The following RIMKLA variants were observed in gnomAD, a reference collection of about 807,000 sequenced individuals.
The protein encoded by RIMKLA is ribosomal modification protein rimK like family member A.
A neutral mutation model predicts 32.7 loss-of-function variants in RIMKLA; 14 were observed. The ratio of observed to expected loss-of-function variants is 0.43; its 90% CI spans 0.28 to 0.67. The LOEUF is 0.67. Ranked by LOEUF, RIMKLA falls within the 30% of genes least tolerant of loss-of-function variation. RIMKLA has a pLI of 0.18. For synonymous variants in RIMKLA, 176 were observed against 204.1 expected, an observed-to-expected ratio of 0.86 and a Z score of 1.18; for missense variants, 410 against 519.0, an observed-to-expected ratio of 0.79 and a Z score of 2.04.
intron 1 of RIMKLA, among the ~76,000 whole-genome samples, chr1:42,388,458 G>A (rs1201469228): frequency 1.3e-5 from 2 of 151,760 alleles, no homozygotes; most frequent in African/African-American, 4.8e-5. Context: ...ACCTATCTCG[G>A]CCTCCCAAAG....
chr1:42,407,698 C>G (rs1009074466), intron 3 of RIMKLA, among the ~76,000 whole-genome samples: 3 of 152,164 alleles, frequency 2.0e-5, no homozygotes, highest in Non-Finnish European at 4.4e-5. Flanking sequence ...ATATGCCAAG[C>G]CACACTGTCT....
At chr1:42,402,714 C>G (rs1388954176) in intron 2 of RIMKLA, among the ~76,000 whole-genome samples, 1 of 151,954 alleles carries the variant, frequency 6.6e-6, no homozygotes, top group Non-Finnish European at 1.5e-5. Flanking sequence ...CCTTAGCCTC[C>G]CAAGTAGCTG....
At chr1:42,411,660 T>TTATC (rs1479445351) in intron 4 of RIMKLA, among the ~76,000 whole-genome samples, 6 of 29,316 alleles carry the variant, frequency 2.0e-4, no homozygotes, top group African/African-American at 5.4e-4. Context: ...ATTTATTTAT[T>TTATC]TATTTATTTA....
Position 42,410,018 on chromosome 1 carries a change from CCT to C in RIMKLA, c.521_522del (p.Ser174Ter). ...AVFLARDKHH[L>X]SDICHLIRHD... ...TTTTTCTGGCAAGAGATAAACATCA[CCT>C]CTCTGACATCTGCCATCTGATCCGC... On this transcript the variant is annotated frameshift_variant, in exon 4 of 5. Coordinates refer to ENST00000431473, the MANE Select transcript of RIMKLA (RefSeq NM_173642.4). LOFTEE classifies it high-confidence loss of function. The C allele has an allele frequency of 6.2e-7, 1 of 1,614,136 alleles. No homozygotes were observed. The highest frequency in any genetic ancestry group is 8.5e-7 in the Non-Finnish European group (1 of 1,180,008).
At position 42,415,827 on chromosome 1, in the gene RIMKLA, AGCCAGTG is replaced by A. The variant is rs1202053658; in HGVS notation, c.*855_*861del. 1 of 152,212 alleles carries A rather than the reference AGCCAGTG, an allele frequency of 6.6e-6. No individual in the cohort carries two copies. Among genetic ancestry groups the A allele is most frequent in the Non-Finnish European group, 1.5e-5 (1 of 68,040 alleles). The allele number at this position is 152,212 out of a possible 1,614,324, so 9.4% of individuals were successfully genotyped here. On this transcript the variant is annotated 3_prime_UTR_variant, in exon 5 of 5. Transcript: ENST00000431473. ...GGACTCTGTTCACTTGTCATCCAGA[AGCCAGTG>A]GGTTTTTACCATAGAAAGCTACTTG...
In RIMKLA at chr1:42,413,783, C is replaced by T. The variant is rs185144547; in HGVS notation, c.686-701C>T. ...GGTTTTACTCTGTCATACAGGCTGGCGTGGAGTGGCATGATCATGGCTCAC... is the reference window on the plus strand; with the variant it reads ...GGTTTTACTCTGTCATACAGGCTGGTGTGGAGTGGCATGATCATGGCTCAC... On this transcript the variant is annotated intron_variant, in intron 4 of 4. Transcript: ENST00000431473. Among the ~76,000 whole-genome samples, 184 of 150,168 alleles carry T rather than the reference C, an allele frequency of 1.2e-3. 2 individuals are homozygous for T. The highest frequency in any genetic ancestry group is 6.8e-3 in the Middle Eastern group (2 of 292).
intron 4 of RIMKLA, 83 bp downstream of exon 4, chr1:42,410,270 C>CA: frequency 8.8e-7 from 1 of 1,133,442 alleles, no homozygotes; most frequent in Non-Finnish European, 1.3e-6. Context: ...TCTTGTCAGA[C>CA]CCTCTGCTAG....
At chr1:42,395,142 A>C (rs1209637618) in intron 1 of RIMKLA, among the ~76,000 whole-genome samples, 1 of 152,208 alleles carries the variant, frequency 6.6e-6, no homozygotes, top group Non-Finnish European at 1.5e-5. Flanking sequence ...ACATCAAAAT[A>C]TTTTCAAATA....
chr1:42,406,807 G>T (rs906304000), intron 3 of RIMKLA, among the ~76,000 whole-genome samples: 3 of 152,008 alleles, frequency 2.0e-5, no homozygotes, highest in Non-Finnish European at 4.4e-5. Context: ...TCATGTGCTT[G>T]TTGGCCATTT....
chr1:42,384,167 G>A (rs1642914790), intron 1 of RIMKLA, among the ~76,000 whole-genome samples: 1 of 152,098 alleles, frequency 6.6e-6, no homozygotes. Flanking sequence ...GTTATATCTG[G>A]AAGTAGGATT....
Position 42,380,821 on chromosome 1 carries a change from G to A in RIMKLA, c.-114G>A. ...AGACGCCTGGCGCACCCGCGGGAGCGGAGCCGTGGCGCGCTCGCCCCGGAC... is the reference window on the plus strand; with the variant it reads ...AGACGCCTGGCGCACCCGCGGGAGCAGAGCCGTGGCGCGCTCGCCCCGGAC... On this transcript the variant is annotated 5_prime_UTR_variant, in exon 1 of 5. Transcript: ENST00000431473. 5.8e-6 allele frequency: 3 copies of A among 516,836 alleles called. No individual in the cohort carries two copies. Among genetic ancestry groups the A allele is most frequent in the Non-Finnish European group, 7.8e-6 (3 of 384,900 alleles). 32.0% of individuals were successfully genotyped at this position (516,836 alleles called of 1,614,324 possible). A position where few individuals can be genotyped will look rare whatever the true frequency, so the allele number is the denominator to read the frequency against.
Position 42,380,986 on chromosome 1 carries a change from C to T in RIMKLA, c.52C>T (p.Pro18Ser). 6.9e-7 allele frequency: 1 copy of T among 1,451,956 alleles called. No homozygotes were observed. The highest frequency in any genetic ancestry group is 1.3e-5 in the South Asian group (1 of 74,904). The allele number at this position is 1,451,956 out of a possible 1,614,324, so 89.9% of individuals were successfully genotyped here. The change falls in exon 1 of 5, where the codon CCG becomes TCG. Residue 18 changes from proline to serine, a missense_variant. Pro to Ser is a moderately conservative substitution (Grantham distance 74). Transcript: ENST00000431473. ...GGACCGGCGCATCCGCGAGGACTAC[C>T]CGCAGGTGCAGATCCTGCGCGCCCT... is the stretch of plus-strand genomic sequence containing the variant. ...LTDRRIREDY[P>S]QVQILRALRQ...
intron 2 of RIMKLA, among the ~76,000 whole-genome samples, chr1:42,403,710 A>G (rs976922111): frequency 3.3e-5 from 5 of 152,166 alleles, no homozygotes; most frequent in South Asian, 2.1e-4. Context: ...AGCAGCTTCA[A>G]ATGATACCCA....
chr1:42,413,980 G>T (rs12730462), intron 4 of RIMKLA, among the ~76,000 whole-genome samples: 87,891 of 150,538 alleles, frequency 0.58, 26,018 homozygotes, highest in Non-Finnish European at 0.63. Flanking sequence ...TGGTCCAAAC[G>T]CTTGGCCTCA....
At chr1:42,410,249 G>A (rs1463461093) in intron 4 of RIMKLA, 62 bp downstream of exon 4, 11 of 1,368,800 alleles carry the variant, frequency 8.0e-6, no homozygotes, top group South Asian at 1.2e-5. Context: ...AATGTATATC[G>A]ATCCCTACTG....
intron 1 of RIMKLA, among the ~76,000 whole-genome samples, 187 bp downstream of exon 1, chr1:42,381,284 A>G (rs1184077994): frequency 1.3e-5 from 2 of 152,204 alleles, no homozygotes; most frequent in East Asian, 3.9e-4. Flanking sequence ...TTTAACCACC[A>G]CCACCTGCCC....
At chr1:42,413,210 C>T (rs1181064567) in intron 4 of RIMKLA, among the ~76,000 whole-genome samples, 10 of 107,656 alleles carry the variant, frequency 9.3e-5, no homozygotes, top group Non-Finnish European at 2.2e-4. Context: ...GTAGAAAATT[C>T]GGAAAATATG....
intron 1 of RIMKLA, among the ~76,000 whole-genome samples, chr1:42,394,521 A>G (rs968129798): frequency 1.3e-5 from 2 of 152,246 alleles, no homozygotes; most frequent in South Asian, 2.1e-4. Context: ...CTAAAACGCA[A>G]TAGAGGCTCA....
intron 1 of RIMKLA, among the ~76,000 whole-genome samples, chr1:42,397,775 C>T (rs1643060882): frequency 6.6e-6 from 1 of 152,088 alleles, no homozygotes; most frequent in Admixed American, 6.5e-5. Flanking sequence ...TTAGAGATTC[C>T]TTCAAGGTTA....
Sources: gnomAD v4.1 joint callset for allele counts (sites outside exome capture counted in the v4.1 genomes callset) on GRCh38, gnomAD v4.1.1 for gene constraint, MANE v1.5 for transcripts, NCBI Gene and HGNC (gene_info 2026-07-23, HGNC 2026-07-21) for gene names.